The following SPOCK1 variants were observed in gnomAD, a reference collection of about 807,000 sequenced individuals.
SPOCK1 encodes testican-1.
A neutral mutation model predicts 55.3 loss-of-function variants in SPOCK1; 23 were observed. That is an observed-to-expected ratio of 0.42 (90% confidence interval 0.30 to 0.59). The LOEUF is 0.59. SPOCK1 is among the 20% of genes least tolerant of loss of function. SPOCK1 has a pLI of 0.22. For missense variants in SPOCK1, 499 were observed against 552.5 expected (o/e 0.90, Z 0.97); for synonymous variants, 226 against 221.0 (o/e 1.02, Z -0.20).
At chr5:137,283,480 G>A (rs1244133303) in intron 2 of SPOCK1, among the ~76,000 whole-genome samples, 6 of 152,160 alleles carry the variant, frequency 3.9e-5, no homozygotes, top group Non-Finnish European at 8.8e-5. Context: ...ATGGGAGGCC[G>A]AGGTGGGCAG....
chr5:137,112,380 T>C lies in SPOCK1; in HGVS notation c.474+55A>G, dbSNP rs1190314661. The C allele has an allele frequency of 1.1e-5, 17 of 1,595,190 alleles. No individual in the cohort carries two copies. In the Admixed American group the frequency reaches 1.2e-4, roughly 11 times the overall value. ...CCCCAGTTTTGGCATAGAGAAGTGT[T>C]AGAACAAGCCGACATGAAGTATTTT... is the stretch of plus-strand genomic sequence containing the variant. On this transcript the variant is annotated intron_variant, in intron 5 of 10. Transcript: ENST00000394945.
At chr5:137,350,005 T>G (rs916352739) in intron 2 of SPOCK1, among the ~76,000 whole-genome samples, 11 of 152,072 alleles carry the variant, frequency 7.2e-5, no homozygotes, top group Admixed American at 7.2e-4. Context: ...CTCAGCATGT[T>G]GAGAGTGAGC....
chr5:137,051,461 G>C (rs1034524549), intron 6 of SPOCK1, among the ~76,000 whole-genome samples: 1 of 152,150 alleles, frequency 6.6e-6, no homozygotes, highest in South Asian at 2.1e-4. Context: ...AGCCATGACA[G>C]AACAAAATAG....
intron 6 of SPOCK1, among the ~76,000 whole-genome samples, chr5:136,993,345 T>C (rs1220310310): frequency 6.6e-6 from 1 of 152,092 alleles, no homozygotes; most frequent in African/African-American, 2.4e-5. Context: ...GTGCTAAAAC[T>C]TGAGGAAAGA....
intron 5 of SPOCK1, among the ~76,000 whole-genome samples, chr5:137,090,631 AG>A (rs1485344678): frequency 6.6e-6 from 1 of 152,206 alleles, no homozygotes; most frequent in East Asian, 1.9e-4. Context: ...AGTTAATGGA[AG>A]GGCAGAATTC....
At chr5:137,142,240 T>C (rs1754113288) in intron 3 of SPOCK1, among the ~76,000 whole-genome samples, 1 of 152,114 alleles carries the variant, frequency 6.6e-6, no homozygotes, top group Non-Finnish European at 1.5e-5. Context: ...CACAAAGAAA[T>C]GTCACAGTGC....
At chr5:137,246,238 T>C (rs962163010) in intron 3 of SPOCK1, among the ~76,000 whole-genome samples, 1 of 152,234 alleles carries the variant, frequency 6.6e-6, no homozygotes, top group Non-Finnish European at 1.5e-5. Context: ...CATTTTTAAT[T>C]ACCTCTGAGA....
chr5:137,460,755 G>A (rs113584301), intron 2 of SPOCK1, among the ~76,000 whole-genome samples: 2 of 80,894 alleles, frequency 2.5e-5, no homozygotes, highest in African/African-American at 1.0e-4. Context: ...GATCTACAAA[G>A]CTCTACATAT....
intron 2 of SPOCK1, among the ~76,000 whole-genome samples, chr5:137,277,878 A>G (rs1266381897): frequency 6.6e-6 from 1 of 152,150 alleles, no homozygotes; most frequent in African/African-American, 2.4e-5. Context: ...GCAGGCCGGC[A>G]GGAGATGCAC....
chr5:137,399,888 GA>G (rs1751938119), intron 2 of SPOCK1, among the ~76,000 whole-genome samples: 1 of 152,210 alleles, frequency 6.6e-6, no homozygotes, highest in East Asian at 1.9e-4. Flanking sequence ...CGTTGGCAGG[GA>G]AAAGTGGGAG....
chr5:137,480,129 T>A (rs2149842042), intron 2 of SPOCK1, among the ~76,000 whole-genome samples: 1 of 152,294 alleles, frequency 6.6e-6, no homozygotes, highest in African/African-American at 2.4e-5. Flanking sequence ...AATTATGCAA[T>A]CTGCCAAGAT....
At chr5:137,239,348 C>T (rs150167467) in intron 3 of SPOCK1, among the ~76,000 whole-genome samples, 12 of 152,298 alleles carry the variant, frequency 7.9e-5, no homozygotes, top group African/African-American at 2.6e-4. Context: ...TCTCTTCATC[C>T]GGACTTTCAT....
At chr5:137,401,000 CAG>C (rs1038601624) in intron 2 of SPOCK1, among the ~76,000 whole-genome samples, 2 of 152,168 alleles carry the variant, frequency 1.3e-5, no homozygotes, top group African/African-American at 4.8e-5. Context: ...TTGCCAGAGC[CAG>C]AGTCAGTGGA....
chr5:137,450,750 G>C (rs181278805), intron 2 of SPOCK1, among the ~76,000 whole-genome samples: 1 of 151,840 alleles, frequency 6.6e-6, no homozygotes, highest in Non-Finnish European at 1.5e-5. Flanking sequence ...CCTATTACCT[G>C]GGCTTGAAGT....
chr5:137,390,572 C>T (rs1230739993), intron 2 of SPOCK1, among the ~76,000 whole-genome samples: 1 of 152,214 alleles, frequency 6.6e-6, no homozygotes, highest in Non-Finnish European at 1.5e-5. Context: ...TTGAAAAACA[C>T]ACAGTGGTTC....
intron 2 of SPOCK1, among the ~76,000 whole-genome samples, chr5:137,301,404 C>T (rs146927737): frequency 2.6e-5 from 4 of 152,252 alleles, no homozygotes; most frequent in African/African-American, 9.6e-5. Context: ...TATTTTTGGG[C>T]AGGATGCAGG....
chr5:137,147,214 T>C (rs1471380604), intron 3 of SPOCK1, among the ~76,000 whole-genome samples: 5 of 152,250 alleles, frequency 3.3e-5, no homozygotes, highest in African/African-American at 1.2e-4. Flanking sequence ...TATAGCAGTT[T>C]ATAGTATCCT....
chr5:137,205,005 G>C (rs1257272249), intron 3 of SPOCK1, among the ~76,000 whole-genome samples: 5 of 152,188 alleles, frequency 3.3e-5, no homozygotes, highest in Non-Finnish European at 7.3e-5. Context: ...CTCCTAAGAA[G>C]TGATAATCCC....
chr5:137,015,350 T>C (rs1158829193), intron 6 of SPOCK1, among the ~76,000 whole-genome samples: 1 of 151,380 alleles, frequency 6.6e-6, no homozygotes, highest in Non-Finnish European at 1.5e-5. Flanking sequence ...CTTGGGAGGC[T>C]GAGGCAGGAG....
Sources: gnomAD v4.1 joint callset for allele counts (sites outside exome capture counted in the v4.1 genomes callset) on GRCh38, gnomAD v4.1.1 for gene constraint, MANE v1.5 for transcripts, NCBI Gene and HGNC (gene_info 2026-07-23, HGNC 2026-07-21) for gene names.